Variants in SATB2 observed in about 807,000 individuals in gnomAD.
SATB2 encodes DNA-binding protein SATB2.
Under a neutral mutation model 73.4 loss-of-function variants are expected in SATB2, and 1 was observed. The ratio of observed to expected loss-of-function variants is 0.01; its 90% CI spans 0.00 to 0.06. The LOEUF is 0.06. Ranked by LOEUF, SATB2 falls within the 10% of genes least tolerant of loss-of-function variation. The pLI is 1.00. For synonymous variants in SATB2, 397 were observed against 367.0 expected (o/e 1.08, Z -0.93); for missense variants, 459 against 945.8 (o/e 0.49, Z 6.75).
chr2:199,279,243 T>A (rs540139352), intron 10 of SATB2, among the ~76,000 whole-genome samples: 5 of 152,166 alleles, frequency 3.3e-5, no homozygotes, highest in Non-Finnish European at 7.3e-5. Context: ...TATGGACACA[T>A]GTTGTTTCTC....
At chr2:199,394,703 A>T (rs1391227379) in intron 3 of SATB2, among the ~76,000 whole-genome samples, 1 of 152,178 alleles carries the variant, frequency 6.6e-6, no homozygotes, top group Non-Finnish European at 1.5e-5. Flanking sequence ...CAGGGGGCTG[A>T]CAGAGTGAGA....
intron 6 of SATB2, among the ~76,000 whole-genome samples, chr2:199,364,720 T>G (rs192000678): frequency 6.6e-6 from 1 of 152,282 alleles, no homozygotes. Context: ...TGAGGCATAT[T>G]AAATAATTGG....
intron 10 of SATB2, among the ~76,000 whole-genome samples, chr2:199,307,693 T>C (rs1255278526): frequency 6.6e-6 from 1 of 152,080 alleles, no homozygotes; most frequent in African/African-American, 2.4e-5. Flanking sequence ...GATATTTAGA[T>C]GAAAAGTGAC....
chr2:199,327,295 C>T (rs969631849), intron 8 of SATB2, among the ~76,000 whole-genome samples: 3 of 152,018 alleles, frequency 2.0e-5, no homozygotes, highest in South Asian at 4.2e-4. Flanking sequence ...CAAAAAATTA[C>T]CCTGGTGTGG....
intron 10 of SATB2, among the ~76,000 whole-genome samples, chr2:199,295,419 A>AG (rs1169546407): frequency 6.6e-6 from 1 of 152,058 alleles, no homozygotes; most frequent in Non-Finnish European, 1.5e-5. Context: ...GGGTCTCTAA[A>AG]GAAAAAAAAA....
At chr2:199,385,308 T>C (rs184434203) in intron 3 of SATB2, among the ~76,000 whole-genome samples, 25 of 152,266 alleles carry the variant, frequency 1.6e-4, no homozygotes, top group African/African-American at 6.0e-4. Context: ...CTAAGTTTTG[T>C]ATTTTTATAG....
chr2:199,410,570 A>G (rs1157568913), intron 3 of SATB2, among the ~76,000 whole-genome samples: 5 of 152,248 alleles, frequency 3.3e-5, no homozygotes, highest in African/African-American at 1.2e-4. Flanking sequence ...CTGGCAATTA[A>G]TGTCTTTACC....
intron 3 of SATB2, among the ~76,000 whole-genome samples, chr2:199,414,882 C>T (rs574164107): frequency 3.9e-5 from 6 of 152,046 alleles, no homozygotes; most frequent in Non-Finnish European, 7.4e-5. Context: ...ATCACTGGCA[C>T]GTGGTAAGAG....
At chr2:199,377,354 G>C (rs887996452) in intron 5 of SATB2, among the ~76,000 whole-genome samples, 1 of 152,062 alleles carries the variant, frequency 6.6e-6, no homozygotes, top group Non-Finnish European at 1.5e-5. Context: ...CTTCAGCCTG[G>C]GTGACAGAGC....
At chr2:199,461,330 C>T (rs1377770653), upstream of SATB2, among the ~76,000 whole-genome samples, 1 of 152,032 alleles carries the variant, frequency 6.6e-6, no homozygotes, top group African/African-American at 2.4e-5. Context: ...GGTTTAATTT[C>T]GACAATAAGA....
chr2:199,369,459 A>G (rs1447104739), intron 5 of SATB2, among the ~76,000 whole-genome samples: 1 of 152,190 alleles, frequency 6.6e-6, no homozygotes. Context: ...CACACCTTGA[A>G]TTGAACTTCC....
chr2:199,463,616 C>G lies in SATB2; in HGVS notation c.-141+1220G>C, dbSNP rs528893243. Among the ~76,000 whole-genome samples the G allele has an allele frequency of 1.1e-3, 162 of 152,306 alleles. 2 individuals carry two copies. The highest frequency in any genetic ancestry group is 0.01 in the Middle Eastern group (3 of 294). Reference sequence around the variant, plus strand: ...AACCTTCGGCGCCGGCTCTGCCGGTCGCGTCCCGGAGCCAACCCTTCCGCG... The same window carrying G: ...AACCTTCGGCGCCGGCTCTGCCGGTGGCGTCCCGGAGCCAACCCTTCCGCG... On this transcript the variant is annotated intron_variant, in intron 1 of 11. Transcript: ENST00000260926. This position sits in a 1 kb window ranked among gnomAD's most constrained non-coding sequence, Gnocchi z 6.4.
chr2:199,435,250 T>A (rs958486365), intron 2 of SATB2, among the ~76,000 whole-genome samples: 5 of 152,242 alleles, frequency 3.3e-5, no homozygotes, highest in African/African-American at 1.2e-4. Context: ...ATATATTTTT[T>A]AATTGTGATC....
At chr2:199,418,835 T>C (rs1691078546) in intron 3 of SATB2, among the ~76,000 whole-genome samples, 1 of 152,186 alleles carries the variant, frequency 6.6e-6, no homozygotes, top group African/African-American at 2.4e-5. Context: ...TGATCTGCTG[T>C]ACGGAGTTCC....
At chr2:199,376,663 A>G (rs1473364903) in intron 5 of SATB2, among the ~76,000 whole-genome samples, 1 of 152,186 alleles carries the variant, frequency 6.6e-6, no homozygotes, top group Non-Finnish European at 1.5e-5. Flanking sequence ...ACAAAGATCA[A>G]TAAGAGATGG....
intron 9 of SATB2, among the ~76,000 whole-genome samples, chr2:199,322,754 T>G (rs1687924315): frequency 1.3e-5 from 2 of 152,272 alleles, no homozygotes; most frequent in South Asian, 4.1e-4. Flanking sequence ...CAGTTTGAAG[T>G]TTTTCAGTTT....
At chr2:199,389,129 T>C (rs918126392) in intron 3 of SATB2, among the ~76,000 whole-genome samples, 1 of 152,106 alleles carries the variant, frequency 6.6e-6, no homozygotes, top group Non-Finnish European at 1.5e-5. Flanking sequence ...CAAAAAGACA[T>C]AAATTGTAGT....
chr2:199,340,245 G>A, intron 7 of SATB2, among the ~76,000 whole-genome samples: 1 of 151,984 alleles, frequency 6.6e-6, no homozygotes, highest in Admixed American at 6.6e-5. Flanking sequence ...AGACTTTTTT[G>A]CAAAGTCTCA....
intron 2 of SATB2, among the ~76,000 whole-genome samples, chr2:199,436,417 A>C (rs1691652322): frequency 6.6e-6 from 1 of 151,542 alleles, no homozygotes; most frequent in African/African-American, 2.4e-5. Flanking sequence ...TACTGGCATC[A>C]TCTATTTAAA....
Sources: allele counts gnomAD v4.1 joint callset (sites outside exome capture counted in the v4.1 genomes callset), GRCh38; gene constraint gnomAD v4.1.1; non-coding constraint Gnocchi (gnomAD v3.1); transcripts MANE v1.5; gene names NCBI Gene and HGNC (gene_info 2026-07-23, HGNC 2026-07-21).